The following CAMTA1 variants were observed in gnomAD, a reference collection of about 807,000 sequenced individuals.
CAMTA1 encodes the protein calmodulin-binding transcription activator 1.
A neutral mutation model predicts 170.9 loss-of-function variants in CAMTA1; 27 were observed. The ratio of observed to expected loss-of-function variants is 0.16; its 90% CI spans 0.12 to 0.22. The LOEUF (loss-of-function observed/expected upper bound fraction) is 0.22, where lower values mean the gene tolerates loss of function less well. Ranked by LOEUF, CAMTA1 falls within the 10% of genes least tolerant of loss-of-function variation. The pLI is 1.00. For synonymous variants in CAMTA1, 833 were observed against 891.5 expected, an observed-to-expected ratio of 0.93 and a Z score of 1.17; for missense variants, 1,619 against 2,217.2, an observed-to-expected ratio of 0.73 and a Z score of 5.42.
intron 6 of CAMTA1, among the ~76,000 whole-genome samples, chr1:7,535,965 C>A (rs1232960120): frequency 6.6e-6 from 1 of 152,244 alleles, no homozygotes; most frequent in Non-Finnish European, 1.5e-5. Flanking sequence ...ACGATTATTT[C>A]TGTGCATGAA....
chr1:6,929,187 C>G (rs1476859107), intron 3 of CAMTA1, among the ~76,000 whole-genome samples: 1 of 152,034 alleles, frequency 6.6e-6, no homozygotes, highest in African/African-American at 2.4e-5. Context: ...TGTTTCGTTT[C>G]GTTTCATTTC....
At chr1:7,075,023 C>A (rs1351458895) in intron 3 of CAMTA1, among the ~76,000 whole-genome samples, 1 of 152,210 alleles carries the variant, frequency 6.6e-6, no homozygotes, top group African/African-American at 2.4e-5. Context: ...AATATCCAAA[C>A]AGTTTTGGTA....
chr1:7,457,055 G>GCCCCCTGCA (rs2092972689), intron 5 of CAMTA1, among the ~76,000 whole-genome samples: 2 of 73,272 alleles, frequency 2.7e-5, no homozygotes, highest in Admixed American at 2.6e-4. Flanking sequence ...CGCCCCCTGC[G>GCCCCCTGCA]CCGCCGTGCC....
intron 11 of CAMTA1, among the ~76,000 whole-genome samples, chr1:7,725,470 C>T (rs1410059550): frequency 2.6e-5 from 4 of 152,186 alleles, no homozygotes; most frequent in African/African-American, 9.7e-5. Flanking sequence ...AAAATGTGCA[C>T]CCAGTTATTG....
At chr1:7,660,566 C>T (rs924688327) in intron 7 of CAMTA1, among the ~76,000 whole-genome samples, 1 of 152,102 alleles carries the variant, frequency 6.6e-6, no homozygotes, top group African/African-American at 2.4e-5. Context: ...AACTTGGACT[C>T]AAATCCATGT....
intron 3 of CAMTA1, among the ~76,000 whole-genome samples, chr1:6,913,709 G>A (rs1680187457): frequency 6.6e-6 from 1 of 152,048 alleles, no homozygotes; most frequent in South Asian, 2.1e-4. Context: ...ATGGTGCTGA[G>A]GAAGGTCCTC....
At position 7,337,623 on chromosome 1, in the gene CAMTA1, C is replaced by T. The variant is rs541165071; in HGVS notation, c.438+87997C>T. On this transcript the variant is annotated intron_variant, in intron 5 of 22. Coordinates refer to ENST00000303635, the MANE Select transcript of CAMTA1 (RefSeq NM_015215.4). ...GGGCCTCATCCAATCACAATGTGGGCGGTGGGCCTCATCCAATCACAATGT... is the reference window on the plus strand; with the variant it reads ...GGGCCTCATCCAATCACAATGTGGGTGGTGGGCCTCATCCAATCACAATGT... 1.3e-4 allele frequency among the ~76,000 whole-genome samples: 19 copies of T among 150,996 alleles called. 1 individual carries two copies. The South Asian group carries it at 1.5e-3, about 12-fold the overall frequency.
chr1:7,196,046 G>A (rs1655464046), intron 4 of CAMTA1, among the ~76,000 whole-genome samples: 1 of 152,070 alleles, frequency 6.6e-6, no homozygotes, highest in Non-Finnish European at 1.5e-5. Context: ...GATACAGTTT[G>A]GATTTGTGTC....
At chr1:7,170,864 A>G (rs909217315) in intron 4 of CAMTA1, among the ~76,000 whole-genome samples, 11 of 152,128 alleles carry the variant, frequency 7.2e-5, no homozygotes, top group Non-Finnish European at 1.2e-4. Flanking sequence ...ATATGATGCT[A>G]GCGGTTTTGA....
chr1:7,464,183 C>T (rs1004717622), intron 5 of CAMTA1, among the ~76,000 whole-genome samples: 3 of 152,272 alleles, frequency 2.0e-5, no homozygotes, highest in Middle Eastern at 3.4e-3. Context: ...CTTTCTCTCT[C>T]TTTTTGTGTA....
At chr1:7,747,340 A>C (rs547192644) in intron 18 of CAMTA1, among the ~76,000 whole-genome samples, 1 of 152,276 alleles carries the variant, frequency 6.6e-6, no homozygotes, top group Admixed American at 6.5e-5. Flanking sequence ...GTAGTCTCTA[A>C]CCACTCCCAA....
intron 4 of CAMTA1, among the ~76,000 whole-genome samples, chr1:7,136,737 T>C (rs1161363464): frequency 6.6e-6 from 1 of 152,214 alleles, no homozygotes; most frequent in African/African-American, 2.4e-5. Context: ...CTCATCTTAC[T>C]GGTCGATGAG....
chr1:7,438,070 C>A (rs1024718944), intron 5 of CAMTA1, among the ~76,000 whole-genome samples: 1 of 152,084 alleles, frequency 6.6e-6, no homozygotes, highest in African/African-American at 2.4e-5. Flanking sequence ...TTTGAGGAAC[C>A]CAAGAAGAAC....
chr1:7,569,715 CA>C (rs1410022143), intron 6 of CAMTA1, among the ~76,000 whole-genome samples: 1 of 151,898 alleles, frequency 6.6e-6, no homozygotes, highest in Non-Finnish European at 1.5e-5. Flanking sequence ...TCATCACCAC[CA>C]TTGTCATCAA....
intron 4 of CAMTA1, among the ~76,000 whole-genome samples, chr1:7,186,190 A>G (rs1228441246): frequency 1.3e-5 from 2 of 152,190 alleles, no homozygotes; most frequent in Middle Eastern, 3.2e-3. Flanking sequence ...GAGAGAGGGA[A>G]GGAAGGGTAA....
At chr1:7,492,768 T>C (rs36158971) in intron 6 of CAMTA1, among the ~76,000 whole-genome samples, 89,740 of 133,592 alleles carry the variant, frequency 0.67, 30,100 homozygotes, top group African/African-American at 0.83. Context: ...CAAACCTACA[T>C]ACACAAGTGC....
At chr1:6,848,458 A>G (rs1659163981) in intron 3 of CAMTA1, among the ~76,000 whole-genome samples, 1 of 152,248 alleles carries the variant, frequency 6.6e-6, no homozygotes, top group African/African-American at 2.4e-5. Flanking sequence ...CTTTTAGCAC[A>G]GTTTAATCAG....
intron 2 of CAMTA1, among the ~76,000 whole-genome samples, chr1:6,820,675 C>T (rs183317080): frequency 3.3e-5 from 5 of 151,950 alleles, no homozygotes; most frequent in African/African-American, 7.3e-5. Context: ...CATGTTCCTC[C>T]TCTGTAAAAT....
At chr1:7,442,207 A>G in intron 5 of CAMTA1, among the ~76,000 whole-genome samples, 1 of 152,184 alleles carries the variant, frequency 6.6e-6, no homozygotes, top group Non-Finnish European at 1.5e-5. Context: ...AAATTGATTA[A>G]TCAAATTTCC....
Sources: gnomAD v4.1 joint callset for allele counts (sites outside exome capture counted in the v4.1 genomes callset) on GRCh38, gnomAD v4.1.1 for gene constraint, MANE v1.5 for transcripts, NCBI Gene and HGNC (gene_info 2026-07-23, HGNC 2026-07-21) for gene names.